HS2ST1: variants seen among roughly 807,000 people sequenced by gnomAD.
HS2ST1 encodes the protein 2-O-sulfotransferase.
In HS2ST1, 18 loss-of-function variants were observed where a neutral mutation model predicts 42.9. That is an observed-to-expected ratio of 0.42 (90% CI 0.29 to 0.62). The LOEUF (loss-of-function observed/expected upper bound fraction) is 0.62. HS2ST1 is among the 20% of genes least tolerant of loss of function. The pLI is 0.21. For missense variants in HS2ST1, 334 were observed against 433.8 expected, an observed-to-expected ratio of 0.77 and a Z score of 2.04; for synonymous variants, 146 against 152.9, an observed-to-expected ratio of 0.95 and a Z score of 0.33.
intron 1 of HS2ST1, among the ~76,000 whole-genome samples, chr1:86,960,875 A>G (rs1647820549): frequency 6.6e-6 from 1 of 152,156 alleles, no homozygotes; most frequent in Admixed American, 6.5e-5. Flanking sequence ...TTTAAAAGCT[A>G]AACATATTCT....
chr1:86,922,419 TTGTGTGTGTGTG>T (rs150775849), intron 1 of HS2ST1, among the ~76,000 whole-genome samples: 2 of 147,742 alleles, frequency 1.4e-5, no homozygotes, highest in Non-Finnish European at 3.0e-5. Flanking sequence ...GTTCTTCATT[TTGTGTGTGTGTG>T]TGTGTGTGTG....
rs2100661780 is a variant in HS2ST1 at position 87,109,342 on chromosome 1, A to G, written c.*4646A>G. 1 of 152,226 alleles carries G rather than the reference A, an allele frequency of 6.6e-6. No homozygotes were observed. The highest frequency in any genetic ancestry group is 6.5e-5 in the Admixed American group (1 of 15,270). The allele number at this position is 152,226 out of a possible 1,614,324, so 9.4% of individuals were successfully genotyped here. The stretch of plus-strand genomic sequence containing the variant: ...TTCTAATGATTTTATGGCTTGTGAC[A>G]ATATTTTATCTGGACTGACATGCCT... On this transcript the variant is annotated 3_prime_UTR_variant, in exon 7 of 7. Transcript: ENST00000370550.
At chr1:87,083,584 G>A (rs187057128) in intron 2 of HS2ST1, among the ~76,000 whole-genome samples, 6 of 151,938 alleles carry the variant, frequency 3.9e-5, no homozygotes, top group South Asian at 2.1e-4. Context: ...TTTTGTGTAC[G>A]TTAATTCCAA....
At chr1:87,003,689 C>T (rs1024510789) in intron 1 of HS2ST1, among the ~76,000 whole-genome samples, 3 of 144,490 alleles carry the variant, frequency 2.1e-5, no homozygotes, top group African/African-American at 7.6e-5. Context: ...ATGGTTGCTT[C>T]TGTACTGAAG....
At position 86,968,605 on chromosome 1, in the gene HS2ST1, A is replaced by G. The variant is rs565283476; in HGVS notation, c.124+53445A>G. Among the ~76,000 whole-genome samples, 301 of 151,954 alleles carry G rather than the reference A, an allele frequency of 2.0e-3. 1 individual carries two copies. Among genetic ancestry groups the G allele is most frequent in the African/African-American group, 6.7e-3 (276 of 41,434 alleles). ...CTTTTTGTAGAAATGAGGTCTCACT[A>G]TATTGCCCAGGCTGGTCTCGGGACT... On this transcript the variant is annotated intron_variant, in intron 1 of 6. Coordinates refer to ENST00000370550, the MANE Select transcript of HS2ST1 (RefSeq NM_012262.4).
At chr1:86,985,451 T>C (rs917055862) in intron 1 of HS2ST1, among the ~76,000 whole-genome samples, 1,348 of 52,728 alleles carry the variant, frequency 0.026, 539 homozygotes, top group East Asian at 0.088. Flanking sequence ...TACACATATA[T>C]ACACACATAT....
rs796387272 is a variant in HS2ST1 at position 87,001,917 on chromosome 1, A to AT, written c.125-71004dup. Among the ~76,000 whole-genome samples the AT allele has an allele frequency of 3.3e-3, 433 of 132,128 alleles. 1 individual carries two copies. The highest frequency in any genetic ancestry group is 5.4e-3 in the African/African-American group (194 of 35,838). The allele number at this position is 132,128 out of a possible 152,430, so 86.7% of individuals were successfully genotyped here. The stretch of plus-strand genomic sequence containing the variant: ...TGTGAGCCACCCCCATGCCAGGAGT[A>AT]TTTTTTTTTTTTTGAGATGGAATCT... On this transcript the variant is annotated intron_variant, in intron 1 of 6. Transcript: ENST00000370550.
At chr1:87,020,518 T>A (rs1557518037) in intron 1 of HS2ST1, among the ~76,000 whole-genome samples, 2 of 152,186 alleles carry the variant, frequency 1.3e-5, no homozygotes, top group Non-Finnish European at 2.9e-5. Context: ...TAGATACCAT[T>A]CTTAATTTAA....
chr1:87,017,303 A>G (rs1649788367), intron 1 of HS2ST1, among the ~76,000 whole-genome samples: 1 of 152,026 alleles, frequency 6.6e-6, no homozygotes, highest in Non-Finnish European at 1.5e-5. Context: ...TGTCCAGCTA[A>G]TTTTTGTATT....
At chr1:87,017,753 T>A (rs1649802946) in intron 1 of HS2ST1, among the ~76,000 whole-genome samples, 1 of 152,188 alleles carries the variant, frequency 6.6e-6, no homozygotes, top group Non-Finnish European at 1.5e-5. Flanking sequence ...TGATTTTTGA[T>A]ATATGTGTCC....
chr1:87,024,504 GAA>G (rs375286763), intron 1 of HS2ST1, among the ~76,000 whole-genome samples: 17 of 107,240 alleles, frequency 1.6e-4, no homozygotes, highest in Non-Finnish European at 2.4e-4. Context: ...CCGTCTCAAA[GAA>G]AAAAAAAAAA....
chr1:87,030,522 A>G (rs899046889), intron 1 of HS2ST1, among the ~76,000 whole-genome samples: 2 of 151,938 alleles, frequency 1.3e-5, no homozygotes, highest in African/African-American at 4.8e-5. Context: ...ACAGACATGC[A>G]TGCACACGCA....
chr1:87,054,373 A>G lies in HS2ST1; in HGVS notation c.125-18561A>G, dbSNP rs185038882. Reference sequence around the variant, plus strand: ...AATCTGCTTGGTTACTTCCTTGTCCATAGAACAACTATCTCTAATCAAGCA... The same window carrying G: ...AATCTGCTTGGTTACTTCCTTGTCCGTAGAACAACTATCTCTAATCAAGCA... On this transcript the variant is annotated intron_variant, in intron 1 of 6. Coordinates refer to ENST00000370550, the MANE Select transcript of HS2ST1 (RefSeq NM_012262.4). 2.3e-3 allele frequency among the ~76,000 whole-genome samples: 354 copies of G among 152,218 alleles called. 1 individual carries two copies. The highest frequency in any genetic ancestry group is 8.1e-3 in the African/African-American group (338 of 41,544).
chr1:87,052,653 G>A (rs971069064), intron 1 of HS2ST1, among the ~76,000 whole-genome samples: 1 of 152,118 alleles, frequency 6.6e-6, no homozygotes, highest in African/African-American at 2.4e-5. Flanking sequence ...GAGGAAGATG[G>A]GAAATCCAGT....
rs116484558 is a variant in HS2ST1, at chr1:87,006,694, G to T, written c.125-66240G>T. 2.2e-3 allele frequency among the ~76,000 whole-genome samples: 334 copies of T among 152,214 alleles called. 2 individuals carry two copies. The highest frequency in any genetic ancestry group is 7.5e-3 in the African/African-American group (313 of 41,574). On this transcript the variant is annotated intron_variant, in intron 1 of 6. Transcript: ENST00000370550. ...AGATTGCCATGTAAAGGTAAATCAT[G>T]CTATGAGTATTCTAACTAAAGTTTG...
intron 1 of HS2ST1, among the ~76,000 whole-genome samples, chr1:87,039,630 T>C (rs1175307252): frequency 6.6e-6 from 1 of 152,226 alleles, no homozygotes. Context: ...CATTTATCCT[T>C]ATATCAGTTC....
chr1:86,968,297 G>T (rs72722288), intron 1 of HS2ST1, among the ~76,000 whole-genome samples: 21,195 of 152,036 alleles, frequency 0.14, 1,584 homozygotes, highest in African/African-American at 0.19. Context: ...TTTGATGTGG[G>T]ATTTATTTAT....
At chr1:87,029,065 G>A (rs887304181) in intron 1 of HS2ST1, among the ~76,000 whole-genome samples, 3 of 151,976 alleles carry the variant, frequency 2.0e-5, no homozygotes, top group Non-Finnish European at 4.4e-5. Flanking sequence ...ATAAATATTA[G>A]CAAATCTAAT....
At chr1:86,945,598 C>A (rs1487026048) in intron 1 of HS2ST1, among the ~76,000 whole-genome samples, 1 of 152,124 alleles carries the variant, frequency 6.6e-6, no homozygotes, top group Non-Finnish European at 1.5e-5. Context: ...TCTCTAGATT[C>A]TATTCAAGAA....
Sources: allele counts gnomAD v4.1 joint callset (sites outside exome capture counted in the v4.1 genomes callset), GRCh38; gene constraint gnomAD v4.1.1; transcripts MANE v1.5; gene names NCBI Gene and HGNC (gene_info 2026-07-23, HGNC 2026-07-21).